Variants in IQSEC2 observed in about 807,000 individuals in gnomAD.
IQSEC2 encodes IQ motif and SEC7 domain-containing protein 2.
In IQSEC2, 6 loss-of-function variants were observed where a neutral mutation model predicts 74.6. The observed-to-expected ratio is 0.08, with a 90% CI of 0.04 to 0.16. The LOEUF (loss-of-function observed/expected upper bound fraction) is 0.16, where lower values mean the gene tolerates loss of function less well. Ranked by LOEUF, IQSEC2 falls within the 10% of genes least tolerant of loss-of-function variation. The pLI is 1.00. For synonymous variants in IQSEC2, 494 were observed against 544.5 expected (o/e 0.91, Z 1.29); for missense variants, 734 against 1,306.2 (o/e 0.56, Z 6.75).
chrX:53,270,070 G>A (rs1453352093), intron 2 of IQSEC2, among the ~76,000 whole-genome samples: 1 of 85,943 alleles, frequency 1.2e-5, no homozygotes, highest in South Asian at 5.0e-4. Context: ...TCCCGGACCC[G>A]TCGAGCCCAA....
At chrX:53,303,449 T>C (rs1221873627) in intron 1 of IQSEC2, among the ~76,000 whole-genome samples, 4 of 110,739 alleles carry the variant, frequency 3.6e-5, no homozygotes, top group Non-Finnish European at 5.7e-5. Context: ...AGAAAAGCAC[T>C]AGGGGGAGGT....
At chrX:53,257,061 G>A (rs1420465314) in intron 2 of IQSEC2, among the ~76,000 whole-genome samples, 1 of 112,003 alleles carries the variant, frequency 8.9e-6, no homozygotes, top group Non-Finnish European at 1.9e-5. Flanking sequence ...GAGTCGGGCG[G>A]GAAGGAACAC....
intron 8 of IQSEC2, among the ~76,000 whole-genome samples, chrX:53,246,418 T>C (rs1417118158): frequency 2.7e-5 from 3 of 111,832 alleles, no homozygotes; most frequent in Non-Finnish European, 1.9e-5. Flanking sequence ...GTGCTACAAG[T>C]CAGCCTCTCC....
Position 53,250,437 on chromosome X carries a change from G to A in IQSEC2, c.2139C>T (p.Ser713=), listed in dbSNP as rs782507169. 6 of 1,211,672 alleles carry A rather than the reference G, an allele frequency of 5.0e-6. No individual in the cohort carries two copies. Among genetic ancestry groups the A allele is most frequent in the East Asian group, 3.0e-5 (1 of 33,830 alleles). The change falls in exon 5 of 15, where the codon TCC becomes TCT. Residue 713 remains serine (S), a synonymous_variant. Coordinates refer to ENST00000642864, the MANE Select transcript of IQSEC2 (RefSeq NM_001111125.3). ...SNSNETINCS[S]GSSSRDSLRE... ...TTAGACTGTCCCGAGAAGAGGAGCC[G>A]GAGCTGCAGTTGATGGTCTCATTGG...
chrX:53,236,545 G>C (rs1556859775), intron 12 of IQSEC2, 50 bp from the exon 13 acceptor site: 2 of 1,128,118 alleles, frequency 1.8e-6, no homozygotes, highest in Admixed American at 2.5e-5. Context: ...ACAGGAGTGA[G>C]AGCCCATCTG....
intron 8 of IQSEC2, among the ~76,000 whole-genome samples, chrX:53,244,304 C>T (rs782460137): frequency 1.8e-5 from 2 of 110,250 alleles, no homozygotes; most frequent in East Asian, 2.8e-4. Flanking sequence ...GCAGGTGGAT[C>T]GCTCGAGCCC....
At chrX:53,261,197 G>A (rs1400304788) in intron 2 of IQSEC2, among the ~76,000 whole-genome samples, 4 of 111,299 alleles carry the variant, frequency 3.6e-5, no homozygotes, top group Non-Finnish European at 7.5e-5. Flanking sequence ...CTGATCACAT[G>A]GAAAATCTCT....
rs191741323 is a variant in IQSEC2 at position 53,273,137 on chromosome X, G to A, written c.738-17076C>T. 3.7e-5 allele frequency among the ~76,000 whole-genome samples: 4 copies of A among 109,301 alleles called. No individual in the cohort carries two copies. The Admixed American group carries it at 4.0e-4, about 11-fold the overall frequency. The allele number at this position is 109,301 out of a possible 115,157, so 94.9% of individuals were successfully genotyped here. On this transcript the variant is annotated intron_variant, in intron 2 of 14. Coordinates refer to ENST00000642864, the MANE Select transcript of IQSEC2 (RefSeq NM_001111125.3). ...GACTCCACTATTTTTCCCCTATGAC[G>A]TCATCCTGCTTGGAAGGGCCAAAGA...
chrX:53,252,187 A>G (rs947751910), intron 4 of IQSEC2, among the ~76,000 whole-genome samples: 1 of 111,391 alleles, frequency 9.0e-6, no homozygotes, highest in African/African-American at 3.3e-5. Context: ...CAGCCTCCCC[A>G]GTAGCAGGGA....
chrX:53,292,513 G>A (rs1314599322), intron 1 of IQSEC2, among the ~76,000 whole-genome samples: 1 of 112,019 alleles, frequency 8.9e-6, no homozygotes, highest in Non-Finnish European at 1.9e-5. Flanking sequence ...CCAACTGCCT[G>A]GTCCAACCTG....
intron 2 of IQSEC2, among the ~76,000 whole-genome samples, chrX:53,256,862 T>C (rs1030572566): frequency 1.8e-5 from 2 of 112,316 alleles, no homozygotes; most frequent in South Asian, 3.7e-4. Context: ...CAGGGGAGTC[T>C]CCACGCGTGG....
intron 2 of IQSEC2, among the ~76,000 whole-genome samples, chrX:53,289,226 T>G (rs1338494221): frequency 8.2e-5 from 9 of 109,940 alleles, no homozygotes; most frequent in African/African-American, 3.0e-4. Context: ...GACAAACAGA[T>G]TGTCCAGTCA....
intron 2 of IQSEC2, among the ~76,000 whole-genome samples, chrX:53,286,667 C>T (rs781878789): frequency 1.4e-4 from 16 of 111,282 alleles, no homozygotes; most frequent in East Asian, 2.8e-4. Flanking sequence ...ATAGGCTGGG[C>T]GCGGTGGCTC....
intron 1 of IQSEC2, among the ~76,000 whole-genome samples, chrX:53,312,902 G>A (rs916648299): frequency 3.6e-5 from 4 of 112,453 alleles, no homozygotes; most frequent in Non-Finnish European, 7.5e-5. Flanking sequence ...GCCTGGATAT[G>A]CAGTCCTATC....
At position 53,232,992 on chromosome X, in the gene IQSEC2, C is replaced by T. The variant is rs2074073121; in HGVS notation, c.*1227G>A. The T allele has an allele frequency of 9.0e-6, 1 of 111,620 alleles. No homozygotes were observed. Among genetic ancestry groups the T allele is most frequent in the African/African-American group, 3.3e-5 (1 of 30,603 alleles). The allele number at this position is 111,620 out of a possible 1,213,427, so 9.2% of individuals were successfully genotyped here. ...CAGCCCCTCCCACTGCCACCCTCCCCCGCCCCCAAGCCCCAGTGGCCCTGG... is the reference window on the plus strand; with the variant it reads ...CAGCCCCTCCCACTGCCACCCTCCCTCGCCCCCAAGCCCCAGTGGCCCTGG... On this transcript the variant is annotated 3_prime_UTR_variant, in exon 15 of 15. Coordinates refer to ENST00000642864, the MANE Select transcript of IQSEC2 (RefSeq NM_001111125.3).
chrX:53,235,255 G>T (rs782509470), intron 14 of IQSEC2, 71 bp from the exon 15 acceptor site: 21 of 1,135,608 alleles, frequency 1.8e-5, no homozygotes, highest in Non-Finnish European at 2.4e-5. Flanking sequence ...TTCCACCCCT[G>T]TCCCTGAGGG....
At chrX:53,295,092 G>T (rs2075137699) in intron 1 of IQSEC2, among the ~76,000 whole-genome samples, 1 of 111,404 alleles carries the variant, frequency 9.0e-6, no homozygotes, top group Admixed American at 9.6e-5. Flanking sequence ...CAAATTGCTG[G>T]GATTACAGGC....
chrX:53,274,393 C>T (rs1556869094), intron 2 of IQSEC2, among the ~76,000 whole-genome samples: 2 of 106,722 alleles, frequency 1.9e-5, no homozygotes, highest in African/African-American at 6.9e-5. Context: ...CTCCAGAACC[C>T]TTCCAATATT....
chrX:53,229,308 A>C (rs2074054669), downstream of IQSEC2: 1 of 111,990 alleles, frequency 8.9e-6, no homozygotes, highest in East Asian at 2.8e-4. Context: ...AATGGGTTAT[A>C]TATAACCCAT....
Sources: allele counts gnomAD v4.1 joint callset (sites outside exome capture counted in the v4.1 genomes callset), GRCh38; gene constraint gnomAD v4.1.1; transcripts MANE v1.5; gene names NCBI Gene and HGNC (gene_info 2026-07-23, HGNC 2026-07-21).